OR2L13: variants seen among roughly 807,000 people sequenced by gnomAD.
The protein encoded by OR2L13 is olfactory receptor 2L13.
In OR2L13, 14 loss-of-function variants were observed where a neutral mutation model predicts 15.3. The ratio of observed to expected loss-of-function variants is 0.91; its 90% CI spans 0.60 to 1.43. The LOEUF (loss-of-function observed/expected upper bound fraction) is 1.43, where lower values mean the gene tolerates loss of function less well. OR2L13 is among the 40% of genes most tolerant of loss of function. The pLI, the probability that OR2L13 is intolerant of heterozygous loss-of-function variation, is 0.00. For missense variants in OR2L13, 367 were observed against 387.9 expected, an observed-to-expected ratio of 0.95 and a Z score of 0.45; for synonymous variants, 152 against 142.9, an observed-to-expected ratio of 1.06 and a Z score of -0.45.
the OR2L13 span, among the ~76,000 whole-genome samples, chr1:248,068,474 C>A: frequency 2.0e-5 from 3 of 152,180 alleles, no homozygotes; most frequent in Non-Finnish European, 4.4e-5. Context: ...ACAGAAAGGA[C>A]ATCCACATCA....
chr1:247,946,623 C>T, the OR2L13 span, among the ~76,000 whole-genome samples: 11 of 152,136 alleles, frequency 7.2e-5, no homozygotes, highest in African/African-American at 2.4e-4. Flanking sequence ...CCCATATTTG[C>T]CCTTGTATTT....
the OR2L13 span, among the ~76,000 whole-genome samples, chr1:248,026,138 C>G: frequency 3.3e-5 from 5 of 152,194 alleles, no homozygotes; most frequent in East Asian, 9.7e-4. Flanking sequence ...ATAAGTGTGT[C>G]TATGTAAAAA....
chr1:248,002,457 G>A, the OR2L13 span, among the ~76,000 whole-genome samples: 6 of 136,512 alleles, frequency 4.4e-5, no homozygotes, highest in African/African-American at 6.5e-5. Flanking sequence ...CTTCATGTAA[G>A]TGAATTCATG....
At chr1:248,097,318 G>T (rs1664760976) in exon 1 of OR2L13, 2 of 152,184 alleles carry the variant, frequency 1.3e-5, no homozygotes, top group African/African-American at 4.8e-5. Context: ...ACACTCACCT[G>T]ATAGCCACAG....
the OR2L13 span, chr1:248,061,316 C>T: frequency 1.3e-6 from 2 of 1,570,516 alleles, no homozygotes; most frequent in Admixed American, 1.7e-5. Flanking sequence ...CCCTTCATTG[C>T]TATTTCATGT....
the OR2L13 span, among the ~76,000 whole-genome samples, chr1:248,067,989 C>G: frequency 2.3e-3 from 355 of 152,318 alleles, 3 homozygotes; most frequent in Non-Finnish European, 2.2e-3. Flanking sequence ...ACAAAGCAGG[C>G]GGGAAGCTCG....
chr1:247,938,125 A>T, the OR2L13 span, among the ~76,000 whole-genome samples: 1 of 152,172 alleles, frequency 6.6e-6, no homozygotes, highest in Non-Finnish European at 1.5e-5. Flanking sequence ...AGCAATTATT[A>T]TATATTAATA....
upstream of OR2L13, among the ~76,000 whole-genome samples, chr1:248,094,315 T>TA (rs923176299): frequency 1.3e-5 from 2 of 152,108 alleles, no homozygotes; most frequent in African/African-American, 4.8e-5. Flanking sequence ...CCTTCAAAGA[T>TA]AAAAAAAGAA....
chr1:247,978,997 G>C, the OR2L13 span, among the ~76,000 whole-genome samples: 2 of 152,016 alleles, frequency 1.3e-5, no homozygotes, highest in African/African-American at 4.8e-5. Context: ...ATCCCAGTGG[G>C]TAGTCTTGAG....
At chr1:248,047,865 A>G in the OR2L13 span, among the ~76,000 whole-genome samples, 2 of 152,194 alleles carry the variant, frequency 1.3e-5, no homozygotes, top group African/African-American at 4.8e-5. Context: ...CTTCAGTGAT[A>G]CACCCAGTCA....
the OR2L13 span, among the ~76,000 whole-genome samples, chr1:247,955,308 A>T: frequency 2.6e-5 from 4 of 151,952 alleles, no homozygotes; most frequent in Non-Finnish European, 4.4e-5. Context: ...ATAGTATTCC[A>T]TGGTGTATAT....
the OR2L13 span, chr1:248,083,790 T>C: frequency 8.7e-6 from 14 of 1,613,856 alleles, no homozygotes; most frequent in Non-Finnish European, 1.2e-5. Flanking sequence ...CACAACCTTG[T>C]CGTGGTTAGT....
At chr1:247,959,689 CATTT>C in the OR2L13 span, among the ~76,000 whole-genome samples, 1 of 152,122 alleles carries the variant, frequency 6.6e-6, no homozygotes, top group African/African-American at 2.4e-5. Flanking sequence ...TCATTTCATT[CATTT>C]GATATTCCAT....
At chr1:248,046,697 AAAG>A in the OR2L13 span, 2 of 152,292 alleles carry the variant, frequency 1.3e-5, no homozygotes, top group South Asian at 4.1e-4. Flanking sequence ...TTCTCCAGGT[AAAG>A]AAGGACTGGA....
chr1:248,003,433 C>T, the OR2L13 span: 2 of 1,610,236 alleles, frequency 1.2e-6, no homozygotes, highest in African/African-American at 2.7e-5. Flanking sequence ...TTCAGAGTTT[C>T]TTCTTCACGA....
chr1:248,025,032 G>A, the OR2L13 span, among the ~76,000 whole-genome samples: 1 of 151,944 alleles, frequency 6.6e-6, no homozygotes, highest in East Asian at 1.9e-4. Flanking sequence ...CAGGACATAG[G>A]CATGGGCAAG....
chr1:248,084,896 CATTTTT>C, the OR2L13 span, among the ~76,000 whole-genome samples: 133 of 152,258 alleles, frequency 8.7e-4, no homozygotes, highest in Non-Finnish European at 5.4e-4. Flanking sequence ...AATAACACTT[CATTTTT>C]AAGTTGTTTC....
At chr1:247,966,228 A>G in the OR2L13 span, 2 of 1,613,332 alleles carry the variant, frequency 1.2e-6, no homozygotes, top group East Asian at 2.2e-5. Flanking sequence ...TCACACCTCT[A>G]CTGAACCCAT....
At chr1:248,005,791 C>T in the OR2L13 span, among the ~76,000 whole-genome samples, 1,016 of 152,208 alleles carry the variant, frequency 6.7e-3, 14 homozygotes, top group African/African-American at 0.023. Context: ...AAAATTATTT[C>T]AATGCTTTTG....
Sources: allele counts gnomAD v4.1 joint callset (sites outside exome capture counted in the v4.1 genomes callset), GRCh38; gene constraint gnomAD v4.1.1; transcripts MANE v1.5; gene names NCBI Gene and HGNC (gene_info 2026-07-23, HGNC 2026-07-21).